The following THSD4 variants were observed in gnomAD, a reference collection of about 807,000 sequenced individuals.
THSD4 encodes the protein thrombospondin type 1 domain containing 4, also known as thrombospondin type-1 domain-containing protein 4.
A neutral mutation model predicts 119.0 loss-of-function variants in THSD4; 69 were observed. The observed-to-expected ratio is 0.58, with a 90% CI of 0.48 to 0.71. The LOEUF (loss-of-function observed/expected upper bound fraction) is 0.71. THSD4 is among the 30% of genes least tolerant of loss of function. THSD4 has a pLI of 0.00. For missense variants in THSD4, 1,393 were observed against 1,391.1 expected, an observed-to-expected ratio of 1.00 and a Z score of -0.02; for synonymous variants, 524 against 540.4, an observed-to-expected ratio of 0.97 and a Z score of 0.42.
chr15:71,335,477 T>C (rs973786296), intron 6 of THSD4, among the ~76,000 whole-genome samples: 3 of 152,188 alleles, frequency 2.0e-5, no homozygotes, highest in Admixed American at 2.0e-4. Context: ...ATATATTTAA[T>C]ATGGTTTCAC....
intron 14 of THSD4, 148 bp from the exon 15 acceptor site, chr15:71,757,754 G>C (rs2053566787): frequency 9.6e-6 from 9 of 937,358 alleles, no homozygotes; most frequent in Non-Finnish European, 1.4e-5. Flanking sequence ...TCATAATGGA[G>C]TAGGCTATGC....
intron 8 of THSD4, among the ~76,000 whole-genome samples, chr15:71,724,108 G>A (rs2052775031): frequency 2.7e-5 from 4 of 148,764 alleles, no homozygotes; most frequent in Admixed American, 6.8e-5. Context: ...ACTTGGAGTT[G>A]AGGGAGGAGC....
At chr15:71,202,706 T>C (rs1269845755) in intron 3 of THSD4, among the ~76,000 whole-genome samples, 1 of 152,186 alleles carries the variant, frequency 6.6e-6, no homozygotes, top group Non-Finnish European at 1.5e-5. Context: ...CCTGGGAAGA[T>C]GCCACATGCT....
rs546337367 is a variant in THSD4, at chr15:71,315,466, C to A, written c.1015+58751C>A. 2.6e-5 allele frequency among the ~76,000 whole-genome samples: 4 copies of A among 152,328 alleles called. No individual in the cohort carries two copies. The East Asian group carries it at 7.7e-4, about 29-fold the overall frequency. On this transcript the variant is annotated intron_variant, in intron 6 of 17. Coordinates refer to ENST00000261862, the MANE Select transcript of THSD4 (RefSeq NM_024817.3). Reference sequence around the variant, plus strand: ...TCCGTCTTCTCTACTCCACCATGGCCACCTCTTGTTAATGTAGGGCACACA... The same window carrying A: ...TCCGTCTTCTCTACTCCACCATGGCAACCTCTTGTTAATGTAGGGCACACA...
intron 6 of THSD4, among the ~76,000 whole-genome samples, chr15:71,316,090 T>C (rs1354085144): frequency 6.6e-6 from 1 of 152,198 alleles, no homozygotes; most frequent in African/African-American, 2.4e-5. Context: ...TTCAAAGTTA[T>C]CCCTGTTAGC....
chr15:71,589,984 T>G, intron 7 of THSD4, among the ~76,000 whole-genome samples: 1 of 139,852 alleles, frequency 7.2e-6, no homozygotes, highest in Non-Finnish European at 1.6e-5. Flanking sequence ...TACAGAAACT[T>G]TTTAAAAATG....
At chr15:71,437,275 A>G (rs1444701761) in intron 7 of THSD4, among the ~76,000 whole-genome samples, 1 of 152,232 alleles carries the variant, frequency 6.6e-6, no homozygotes, top group Non-Finnish European at 1.5e-5. Context: ...TGGTCCAAAC[A>G]CTTGCCACTA....
intron 8 of THSD4, among the ~76,000 whole-genome samples, chr15:71,720,113 C>T (rs2052693639): frequency 7.5e-6 from 1 of 133,862 alleles, no homozygotes; most frequent in African/African-American, 2.8e-5. Flanking sequence ...CGCAGTGGTA[C>T]AATTACGGCT....
At chr15:71,432,345 A>C (rs1327921104) in intron 7 of THSD4, among the ~76,000 whole-genome samples, 1 of 152,242 alleles carries the variant, frequency 6.6e-6, no homozygotes, top group African/African-American at 2.4e-5. Flanking sequence ...AGACTTGATC[A>C]AAAGTAGAAT....
At chr15:71,320,800 GAC>G (rs1282741231) in intron 6 of THSD4, among the ~76,000 whole-genome samples, 24 of 152,046 alleles carry the variant, frequency 1.6e-4, no homozygotes, top group African/African-American at 5.6e-4. Context: ...TTCAACTCCA[GAC>G]ATCTTTTTTT....
Position 71,771,085 on chromosome 15 carries a change from G to A in THSD4, c.2791G>A (p.Gly931Ser), listed in dbSNP as rs994253399. ...WSMCSKSCQG[G>S]FRVREVRCLS... ...GCAGTGTTCCAAGAGCTGCCAGGGT[G>A]GCTTTCGGGTCCGGGAAGTGCGGTG... Residue 931 changes from glycine to serine, a missense_variant, in exon 17 of 18, where the codon GGC becomes AGC. Gly to Ser is a moderately conservative substitution (Grantham distance 56). Transcript: ENST00000261862. The A allele has an allele frequency of 6.2e-7, 1 of 1,614,172 alleles. No homozygotes were observed. The highest frequency in any genetic ancestry group is 1.3e-5 in the African/African-American group (1 of 75,046).
rs2054001366 is a variant in THSD4, at chr15:71,781,733, A to G, written c.*4359A>G. 6.6e-6 allele frequency: 1 copy of G among 152,228 alleles called. No homozygotes were observed. Among genetic ancestry groups the G allele is most frequent in the Admixed American group, 6.5e-5 (1 of 15,278 alleles). 9.4% of individuals were successfully genotyped at this position (152,228 alleles called of 1,614,324 possible). A position where few individuals can be genotyped will look rare whatever the true frequency, so the allele number is the denominator to read the frequency against. Reference sequence around the variant, plus strand: ...GATAGAGGGACTGTGGTAGGTGGTGACCCACCCATCACTGGAGGTGGAAGC... The same window carrying G: ...GATAGAGGGACTGTGGTAGGTGGTGGCCCACCCATCACTGGAGGTGGAAGC... On this transcript the variant is annotated 3_prime_UTR_variant, in exon 18 of 18. Coordinates refer to ENST00000261862, the MANE Select transcript of THSD4 (RefSeq NM_024817.3).
chr15:71,526,635 T>C (rs2048523965), intron 7 of THSD4, among the ~76,000 whole-genome samples: 1 of 152,224 alleles, frequency 6.6e-6, no homozygotes, highest in African/African-American at 2.4e-5. Flanking sequence ...GAACTGCATA[T>C]GTGAAATGAA....
chr15:71,163,358 A>C (rs2043264093), intron 3 of THSD4, among the ~76,000 whole-genome samples: 1 of 152,054 alleles, frequency 6.6e-6, no homozygotes, highest in African/African-American at 2.4e-5. Context: ...AATGGAAAGA[A>C]TCCAAGTCAA....
At chr15:71,478,106 A>G (rs1338703152) in intron 7 of THSD4, among the ~76,000 whole-genome samples, 1 of 152,164 alleles carries the variant, frequency 6.6e-6, no homozygotes, top group African/African-American at 2.4e-5. Flanking sequence ...ATGAGAACCT[A>G]TGGGAGAAAT....
chr15:71,332,892 A>ATTTTTTTTTATTTTTTTT (rs768019235), intron 6 of THSD4, among the ~76,000 whole-genome samples: 2 of 76,938 alleles, frequency 2.6e-5, no homozygotes, highest in African/African-American at 8.0e-5. Flanking sequence ...ATTTTTTTAC[A>ATTTTTTTTTATTTTTTTT]TTTTTTTTTT....
At chr15:71,767,406 A>G (rs192186464) in intron 16 of THSD4, 2 of 152,224 alleles carry the variant, frequency 1.3e-5, no homozygotes, top group Non-Finnish European at 2.9e-5. Context: ...ATCCCTAAAA[A>G]AAATTACTGC....
chr15:71,395,958 C>CAG lies in THSD4; in HGVS notation c.1016-15727_1016-15726dup, dbSNP rs201340820. Among the ~76,000 whole-genome samples the CAG allele has an allele frequency of 3.4e-5, 5 of 145,810 alleles. No homozygotes were observed. In the East Asian group the frequency reaches 6.1e-4, roughly 18 times the overall value. On this transcript the variant is annotated intron_variant, in intron 6 of 17. Coordinates refer to ENST00000261862, the MANE Select transcript of THSD4 (RefSeq NM_024817.3). ...ACACACACACACACACACACAAACA[C>CAG]AGACTTTGTTGAGCACATGGCCTGT...
chr15:71,411,740 T>G lies in THSD4; in HGVS notation c.1069T>G (p.Tyr357Asp). 6.2e-7 allele frequency: 1 copy of G among 1,614,178 alleles called. No individual in the cohort carries two copies. The highest frequency in any genetic ancestry group is 1.1e-5 in the South Asian group (1 of 91,082). Residue 357 changes from tyrosine (Y) to aspartate (D), a missense_variant, in exon 7 of 18, where the codon TAT becomes GAT. Physicochemically the swap from Tyr to Asp is radical, Grantham distance 160. Transcript: ENST00000261862. ...LNCQAMGYRF[Y>D]VRQAEKVIDG... ...CTGCCAGGCAATGGGCTACCGCTTC[T>G]ATGTACGGCAAGCTGAGAAAGTCAT... is the stretch of plus-strand genomic sequence containing the variant.
Sources: gnomAD v4.1 joint callset for allele counts (sites outside exome capture counted in the v4.1 genomes callset) on GRCh38, gnomAD v4.1.1 for gene constraint, MANE v1.5 for transcripts, NCBI Gene and HGNC (gene_info 2026-07-23, HGNC 2026-07-21) for gene names.